Variants in PELI2 observed in about 807,000 individuals in gnomAD.
The protein encoded by PELI2 is E3 ubiquitin-protein ligase pellino homolog 2.
PELI2 carries 23 observed loss-of-function variants against 42.3 expected under a neutral mutation model. The ratio of observed to expected loss-of-function variants is 0.54; its 90% confidence interval spans 0.39 to 0.77. The LOEUF (loss-of-function observed/expected upper bound fraction) is 0.77, where lower values mean the gene tolerates loss of function less well. Among genes scored for constraint, PELI2 ranks in the 30% least tolerant of loss-of-function variants. The pLI, the probability that PELI2 is intolerant of heterozygous loss-of-function variation, is 0.00. For synonymous variants in PELI2, 245 were observed against 212.2 expected (o/e 1.15, Z -1.34); for missense variants, 463 against 553.2 (o/e 0.84, Z 1.64).
At chr14:56,286,495 A>C (rs913143381) in intron 3 of PELI2, among the ~76,000 whole-genome samples, 4 of 152,190 alleles carry the variant, frequency 2.6e-5, no homozygotes, top group African/African-American at 7.2e-5. Flanking sequence ...GAATGGAGCA[A>C]AGTTATCACT....
At chr14:56,166,572 C>A (rs574922412) in intron 1 of PELI2, among the ~76,000 whole-genome samples, 2 of 152,218 alleles carry the variant, frequency 1.3e-5, no homozygotes, top group Admixed American at 1.3e-4. Flanking sequence ...GATGAAATTT[C>A]TCAGCTTTTG....
rs1201835535 is a variant in PELI2 at position 56,288,845 on chromosome 14, G to A, written c.507+211G>A. On this transcript the variant is annotated intron_variant, in intron 4 of 5. Transcript: ENST00000267460. This position sits in a 1 kb window ranked among gnomAD's most constrained non-coding sequence, Gnocchi z 4.6. ...TGTTATTCATTATATTTTTTATATT[G>A]TAATATTTACAGTAAGTACTTTTTT... Among the ~76,000 whole-genome samples, 1 of 152,016 alleles carries A rather than the reference G, an allele frequency of 6.6e-6. No individual in the cohort carries two copies. The highest frequency in any genetic ancestry group is 1.9e-4 in the East Asian group (1 of 5,200).
intron 1 of PELI2, among the ~76,000 whole-genome samples, chr14:56,143,290 T>TG (rs1883984376): frequency 6.6e-6 from 1 of 152,248 alleles, no homozygotes; most frequent in Non-Finnish European, 1.5e-5. Flanking sequence ...TCTTAGTGTA[T>TG]CACAGCAGGA....
intron 2 of PELI2, among the ~76,000 whole-genome samples, chr14:56,278,366 A>C (rs1050869988): frequency 6.6e-6 from 1 of 152,208 alleles, no homozygotes; most frequent in Non-Finnish European, 1.5e-5. Context: ...AATTAACACA[A>C]AGATTACATC....
intron 2 of PELI2, among the ~76,000 whole-genome samples, chr14:56,216,423 C>A (rs1362511710): frequency 6.6e-6 from 1 of 152,234 alleles, no homozygotes; most frequent in African/African-American, 2.4e-5. Flanking sequence ...AGTGTGAGCT[C>A]CTGTTGTTGG....
At chr14:56,175,142 C>A (rs572879294) in intron 1 of PELI2, among the ~76,000 whole-genome samples, 9 of 152,110 alleles carry the variant, frequency 5.9e-5, no homozygotes, top group African/African-American at 2.2e-4. Context: ...ACTACAGGTG[C>A]ATGCCACCAC....
chr14:56,202,880 C>T (rs1022933990), intron 2 of PELI2, among the ~76,000 whole-genome samples: 7 of 151,806 alleles, frequency 4.6e-5, no homozygotes, highest in East Asian at 1.9e-4. Flanking sequence ...ATGTCTATAA[C>T]GAAAGACCAA....
chr14:56,175,100 A>G (rs1885324029), intron 1 of PELI2, among the ~76,000 whole-genome samples: 1 of 151,958 alleles, frequency 6.6e-6, no homozygotes, highest in Admixed American at 6.6e-5. Flanking sequence ...GGCTCAAGTG[A>G]TCTTCCCACC....
intron 1 of PELI2, among the ~76,000 whole-genome samples, chr14:56,137,080 T>C (rs777602253): frequency 1.3e-5 from 2 of 152,182 alleles, no homozygotes; most frequent in Non-Finnish European, 2.9e-5. Flanking sequence ...ACCTACCCAG[T>C]AGAAACCTGT....
intron 1 of PELI2, among the ~76,000 whole-genome samples, chr14:56,145,758 G>A (rs1263487154): frequency 6.6e-6 from 1 of 152,136 alleles, no homozygotes; most frequent in East Asian, 1.9e-4. Flanking sequence ...AAAAGATACG[G>A]CCTCTGCTAT....
At chr14:56,203,091 T>C (rs1346936666) in intron 2 of PELI2, among the ~76,000 whole-genome samples, 1 of 152,210 alleles carries the variant, frequency 6.6e-6, no homozygotes, top group African/African-American at 2.4e-5. Context: ...TTGCATGTGA[T>C]AATAGTATTG....
chr14:56,246,715 G>A (rs1566662327), intron 2 of PELI2, among the ~76,000 whole-genome samples: 1 of 152,112 alleles, frequency 6.6e-6, no homozygotes, highest in Non-Finnish European at 1.5e-5. Flanking sequence ...TCTGTAGTAC[G>A]CTGGGAAACT....
At chr14:56,181,840 A>ATGTGTGTGTGTGTG (rs3042510) in intron 2 of PELI2, among the ~76,000 whole-genome samples, 1 of 148,362 alleles carries the variant, frequency 6.7e-6, no homozygotes. Flanking sequence ...TGATTATGTA[A>ATGTGTGTGTGTGTG]TGTGTGTGTG....
chr14:56,286,361 G>A (rs1000920067), intron 3 of PELI2, among the ~76,000 whole-genome samples: 1 of 152,232 alleles, frequency 6.6e-6, no homozygotes, highest in Admixed American at 6.5e-5. Flanking sequence ...GGAGGAATTG[G>A]TTGAGGGAGG....
intron 2 of PELI2, among the ~76,000 whole-genome samples, chr14:56,188,846 G>T (rs1386731617): frequency 6.6e-6 from 1 of 152,094 alleles, no homozygotes; most frequent in South Asian, 2.1e-4. Flanking sequence ...CCTTTTTGTG[G>T]CTCATCTTTC....
chr14:56,296,749 T>C lies in PELI2; in HGVS notation c.846T>C (p.Pro282=). The change falls in exon 6 of 6, where the codon CCT becomes CCC. Residue 282 remains proline, a synonymous_variant. Coordinates refer to ENST00000267460, the MANE Select transcript of PELI2 (RefSeq NM_021255.3). The part of the protein sequence containing the change: ...ALRQEINAAR[P]QCPVGLNTLA... ...GGCAGGAGATTAACGCCGCCCGGCC[T>C]CAGTGTCCTGTGGGGCTCAACACCC... 1 of 1,614,110 alleles carries C rather than the reference T, an allele frequency of 6.2e-7. No individual in the cohort carries two copies. Among genetic ancestry groups the C allele is most frequent in the Non-Finnish European group, 8.5e-7 (1 of 1,180,008 alleles).
rs116991469 is a variant in PELI2, at chr14:56,169,613, A to G, written c.78-8722A>G. ...CAGGACTGTTTCTTCTGTCTCTTCT[A>G]GAGCCTCTTTCAGTGATAATGAAGT... On this transcript the variant is annotated intron_variant, in intron 1 of 5. Transcript: ENST00000267460. Among the ~76,000 whole-genome samples, 1,270 of 152,280 alleles carry G rather than the reference A, an allele frequency of 8.3e-3. 8 individuals are homozygous for G. Among genetic ancestry groups the G allele is most frequent in the Non-Finnish European group, 0.012 (804 of 68,028 alleles).
chr14:56,170,468 T>C (rs1432287561), intron 1 of PELI2, among the ~76,000 whole-genome samples: 3 of 152,216 alleles, frequency 2.0e-5, no homozygotes, highest in African/African-American at 7.2e-5. Flanking sequence ...AAAAAATGTC[T>C]TGAATTTAAA....
intron 1 of PELI2, among the ~76,000 whole-genome samples, chr14:56,122,883 G>A (rs1167812124): frequency 6.6e-6 from 1 of 152,178 alleles, no homozygotes; most frequent in African/African-American, 2.4e-5. Context: ...AAGTATAAGT[G>A]ATTCCAATTG....
Sources: allele counts gnomAD v4.1 joint callset (sites outside exome capture counted in the v4.1 genomes callset), GRCh38; gene constraint gnomAD v4.1.1; non-coding constraint Gnocchi (gnomAD v3.1); transcripts MANE v1.5; gene names NCBI Gene and HGNC (gene_info 2026-07-23, HGNC 2026-07-21).